The following STIM2 variants were observed in gnomAD, a reference collection of about 807,000 sequenced individuals.
STIM2 encodes stromal interaction molecule 2.
Under a neutral mutation model 85.8 loss-of-function variants are expected in STIM2, and 31 were observed. The observed-to-expected ratio is 0.36, with a 90% CI of 0.27 to 0.49. STIM2 has a LOEUF of 0.49. STIM2 is among the 20% of genes least tolerant of loss of function. The pLI, the probability that STIM2 is intolerant of heterozygous loss-of-function variation, is 0.98. For synonymous variants in STIM2, 356 were observed against 331.1 expected (o/e 1.08, Z -0.82); for missense variants, 841 against 927.6 (o/e 0.91, Z 1.21).
At chr4:26,928,401 A>G (rs989941151) in intron 2 of STIM2, among the ~76,000 whole-genome samples, 71 of 152,226 alleles carry the variant, frequency 4.7e-4, no homozygotes, top group African/African-American at 1.7e-3. Flanking sequence ...ATTGTGCATG[A>G]TATATACACA....
chr4:26,943,805 AT>A (rs896815453), intron 2 of STIM2, among the ~76,000 whole-genome samples: 2 of 152,138 alleles, frequency 1.3e-5, no homozygotes, highest in African/African-American at 4.8e-5. Flanking sequence ...CAGGGTTTTA[AT>A]TTAACTTTAT....
At chr4:26,985,027 G>T (rs1727530626) in intron 3 of STIM2, among the ~76,000 whole-genome samples, 1 of 152,138 alleles carries the variant, frequency 6.6e-6, no homozygotes, top group Non-Finnish European at 1.5e-5. Context: ...ATAGCATGTT[G>T]CAGGAATTTA....
At chr4:26,953,777 T>A (rs1194518221) in intron 2 of STIM2, among the ~76,000 whole-genome samples, 1 of 152,104 alleles carries the variant, frequency 6.6e-6, no homozygotes, top group African/African-American at 2.4e-5. Context: ...TCTGTTTGCC[T>A]TACCACCTAG....
At chr4:27,019,935 T>C (rs536962981) in intron 11 of STIM2, among the ~76,000 whole-genome samples, 1 of 152,370 alleles carries the variant, frequency 6.6e-6, no homozygotes, top group South Asian at 2.1e-4. Flanking sequence ...AGATTAGTTA[T>C]GCAGAAGAAG....
At chr4:26,949,870 A>G (rs1042227497) in intron 2 of STIM2, among the ~76,000 whole-genome samples, 2 of 152,218 alleles carry the variant, frequency 1.3e-5, no homozygotes, top group African/African-American at 4.8e-5. Flanking sequence ...TCATAAAATC[A>G]TATGCAAATA....
intron 11 of STIM2, among the ~76,000 whole-genome samples, chr4:27,020,532 G>A (rs934546346): frequency 1.3e-5 from 2 of 152,186 alleles, no homozygotes; most frequent in Non-Finnish European, 2.9e-5. Flanking sequence ...AGGGGATTTT[G>A]TACCTTTCGA....
intron 3 of STIM2, among the ~76,000 whole-genome samples, chr4:26,990,602 A>C (rs1727733042): frequency 6.6e-6 from 1 of 152,202 alleles, no homozygotes; most frequent in South Asian, 2.1e-4. Context: ...GATTGTATCA[A>C]GCTAAAAAGC....
intron 1 of STIM2, among the ~76,000 whole-genome samples, 167 bp from the exon 2 acceptor site, chr4:26,919,337 A>G (rs1724710676): frequency 6.6e-6 from 1 of 152,130 alleles, no homozygotes; most frequent in African/African-American, 2.4e-5. Context: ...AGTTGTGTTC[A>G]TATATTATAC....
intron 5 of STIM2, among the ~76,000 whole-genome samples, chr4:27,001,517 T>G (rs1728154151): frequency 6.6e-6 from 1 of 152,210 alleles, no homozygotes; most frequent in African/African-American, 2.4e-5. Flanking sequence ...AGTCACTCTT[T>G]GGGCTGGATA....
At chr4:26,963,014 T>C (rs1385292745) in intron 3 of STIM2, among the ~76,000 whole-genome samples, 1 of 152,162 alleles carries the variant, frequency 6.6e-6, no homozygotes, top group Non-Finnish European at 1.5e-5. Flanking sequence ...TTTAAGATAA[T>C]GTTTATTTAT....
intron 2 of STIM2, among the ~76,000 whole-genome samples, chr4:26,937,069 T>C (rs1725420001): frequency 6.6e-6 from 1 of 152,216 alleles, no homozygotes; most frequent in Non-Finnish European, 1.5e-5. Context: ...ATTACAGGCA[T>C]GAGCCACTGT....
At chr4:26,885,831 A>ATG (rs1560194504) in intron 1 of STIM2, among the ~76,000 whole-genome samples, 3 of 22,180 alleles carry the variant, frequency 1.4e-4, no homozygotes, top group Admixed American at 4.6e-4. Context: ...TTATATATAT[A>ATG]TATATATATA....
At chr4:26,999,550 G>C (rs1728072541) in intron 5 of STIM2, among the ~76,000 whole-genome samples, 1 of 152,130 alleles carries the variant, frequency 6.6e-6, no homozygotes, top group Non-Finnish European at 1.5e-5. Flanking sequence ...TTCAAAGCTG[G>C]TTACTAATGT....
At chr4:26,966,734 A>C (rs530971624) in intron 3 of STIM2, among the ~76,000 whole-genome samples, 1 of 152,242 alleles carries the variant, frequency 6.6e-6, no homozygotes, top group South Asian at 2.1e-4. Context: ...TACATATATA[A>C]ATGTATAGCT....
At chr4:26,873,740 C>T (rs1434867113) in intron 1 of STIM2, 1 of 882,110 alleles carries the variant, frequency 1.1e-6, no homozygotes, top group East Asian at 2.7e-5. Context: ...TCTGCCTCCA[C>T]AGGCTCTAGG....
At position 26,861,112 on chromosome 4, in the gene STIM2, C is replaced by T. The variant is rs1389618122; in HGVS notation, c.-107C>T. The T allele has an allele frequency of 4.7e-5, 57 of 1,204,252 alleles. 1 individual carries two copies. The East Asian group carries it at 2.0e-3, about 42-fold the overall frequency. The allele number at this position is 1,204,252 out of a possible 1,614,324, so 74.6% of individuals were successfully genotyped here. A position where few individuals can be genotyped will look rare whatever the true frequency, so the allele number is the denominator to read the frequency against. On this transcript the variant is annotated 5_prime_UTR_variant, in exon 1 of 12. Coordinates refer to ENST00000467087, the MANE Select transcript of STIM2 (RefSeq NM_020860.4). ...CGCGGAGCCGGCGAGCTGCAGGCGG[C>T]CGGGGCGCCGCTGCGCTTTCACCCG...
intron 5 of STIM2, among the ~76,000 whole-genome samples, chr4:27,001,984 G>A (rs78474797): frequency 0.019 from 2,928 of 152,224 alleles, 101 homozygotes; most frequent in African/African-American, 0.067. Flanking sequence ...CAGCAGGGGC[G>A]TGGTGTGTCT....
intron 1 of STIM2, among the ~76,000 whole-genome samples, chr4:26,880,868 ATTC>A (rs1425010697): frequency 6.6e-6 from 1 of 151,690 alleles, no homozygotes; most frequent in Admixed American, 6.6e-5. Flanking sequence ...TTTTTATTTT[ATTC>A]TTCTCTTGTA....
chr4:26,887,135 A>G (rs1418183808), intron 1 of STIM2, among the ~76,000 whole-genome samples: 1 of 151,890 alleles, frequency 6.6e-6, no homozygotes, highest in Non-Finnish European at 1.5e-5. Flanking sequence ...GTAGTGTTCA[A>G]CTGCTGAATG....
Sources: allele counts gnomAD v4.1 joint callset (sites outside exome capture counted in the v4.1 genomes callset), GRCh38; gene constraint gnomAD v4.1.1; transcripts MANE v1.5; gene names NCBI Gene and HGNC (gene_info 2026-07-23, HGNC 2026-07-21).